CTNNA2: variants seen among roughly 807,000 people sequenced by gnomAD.
The protein encoded by CTNNA2 is catenin alpha-2.
In CTNNA2, 42 loss-of-function variants were observed where a neutral mutation model predicts 101.0. That is an observed-to-expected ratio of 0.42 (90% CI 0.32 to 0.54). The LOEUF (loss-of-function observed/expected upper bound fraction) is 0.54, where lower values mean the gene tolerates loss of function less well. CTNNA2 is among the 20% of genes least tolerant of loss of function. CTNNA2 has a pLI of 0.14. For missense variants in CTNNA2, 871 were observed against 1,223.1 expected (o/e 0.71, Z 4.29); for synonymous variants, 450 against 456.4 (o/e 0.99, Z 0.18).
chr2:79,588,086 T>A (rs1412486215), intron 1 of CTNNA2, among the ~76,000 whole-genome samples: 1 of 152,178 alleles, frequency 6.6e-6, no homozygotes, highest in Non-Finnish European at 1.5e-5. Flanking sequence ...GCAGGAAGAT[T>A]GTTTCAGGCC....
At chr2:80,291,184 G>A (rs904236921) in intron 7 of CTNNA2, among the ~76,000 whole-genome samples, 3 of 152,246 alleles carry the variant, frequency 2.0e-5, no homozygotes, top group Admixed American at 6.5e-5. Flanking sequence ...CTCTAAAGAC[G>A]TTGGAGTCTT....
At chr2:80,482,412 G>A (rs1262304541) in intron 9 of CTNNA2, among the ~76,000 whole-genome samples, 1 of 152,184 alleles carries the variant, frequency 6.6e-6, no homozygotes, top group African/African-American at 2.4e-5. Context: ...TAGCTTTCTG[G>A]AAAGGGCCTA....
At chr2:80,015,434 A>T (rs1694073543) in intron 7 of CTNNA2, among the ~76,000 whole-genome samples, 1 of 152,086 alleles carries the variant, frequency 6.6e-6, no homozygotes, top group African/African-American at 2.4e-5. Flanking sequence ...TGATCCTAAC[A>T]CCATGAAAGC....
chr2:79,889,254 C>T (rs546669518), intron 6 of CTNNA2, among the ~76,000 whole-genome samples: 228 of 152,312 alleles, frequency 1.5e-3, no homozygotes, highest in Non-Finnish European at 1.6e-3. Flanking sequence ...TACTGCTCAA[C>T]GTATTTCCTG....
chr2:79,951,856 C>T (rs1220837437), intron 7 of CTNNA2, among the ~76,000 whole-genome samples: 3 of 152,150 alleles, frequency 2.0e-5, no homozygotes, highest in African/African-American at 7.2e-5. Context: ...ATGCTGTCAA[C>T]TCTAAACTCG....
At chr2:79,354,376 A>T (rs1201474378) in intron 3 of CTNNA2, among the ~76,000 whole-genome samples, 1 of 152,088 alleles carries the variant, frequency 6.6e-6, no homozygotes, top group African/African-American at 2.4e-5. Context: ...TTCATTTTTT[A>T]AAATTCTTTC....
At chr2:80,247,446 T>C (rs1671412197) in intron 7 of CTNNA2, among the ~76,000 whole-genome samples, 1 of 152,172 alleles carries the variant, frequency 6.6e-6, no homozygotes, top group Non-Finnish European at 1.5e-5. Flanking sequence ...AGACCTCCTG[T>C]GTGAACCTCC....
At chr2:80,060,691 C>T (rs1437563334) in intron 7 of CTNNA2, among the ~76,000 whole-genome samples, 1 of 151,986 alleles carries the variant, frequency 6.6e-6, no homozygotes, top group Non-Finnish European at 1.5e-5. Context: ...TTTCTTCTTT[C>T]CTTCCTTTTC....
chr2:79,319,287 G>A (rs1209063635), intron 3 of CTNNA2, among the ~76,000 whole-genome samples: 1 of 152,136 alleles, frequency 6.6e-6, no homozygotes, highest in African/African-American at 2.4e-5. Context: ...GATTCAGCTG[G>A]CAGAAAGGAA....
chr2:80,154,273 C>T (rs1573240609), intron 7 of CTNNA2, among the ~76,000 whole-genome samples: 1 of 151,984 alleles, frequency 6.6e-6, no homozygotes, highest in African/African-American at 2.4e-5. Flanking sequence ...TATAAAATGG[C>T]ATCTCAGAAG....
chr2:79,751,524 A>G (rs1672034335), intron 3 of CTNNA2, among the ~76,000 whole-genome samples: 1 of 134,876 alleles, frequency 7.4e-6, no homozygotes, highest in Admixed American at 8.2e-5. Flanking sequence ...TGAACCTGGG[A>G]GGCGGAGGTT....
At chr2:79,230,824 C>T (rs1674482032) in intron 2 of CTNNA2, among the ~76,000 whole-genome samples, 1 of 152,236 alleles carries the variant, frequency 6.6e-6, no homozygotes. Context: ...TCAGGATGAC[C>T]TGGATGCAAG....
At chr2:80,485,082 A>G (rs1310794805) in intron 9 of CTNNA2, among the ~76,000 whole-genome samples, 1 of 152,204 alleles carries the variant, frequency 6.6e-6, no homozygotes, top group Non-Finnish European at 1.5e-5. Flanking sequence ...TTTGTTTTGC[A>G]GAATAGTTTG....
At position 80,313,597 on chromosome 2, in the gene CTNNA2, C is replaced by G. The variant is rs1300413778; in HGVS notation, c.1057-79614C>G. The stretch of plus-strand genomic sequence containing the variant: ...GGAGAAGGCCACTCCAGTCAGTAGG[C>G]AAAGTCTGTGAAAAAAATATGAAGA... On this transcript the variant is annotated intron_variant, in intron 7 of 18. Transcript: ENST00000402739. 1.9e-6 allele frequency: 3 copies of G among 1,611,202 alleles called. No individual in the cohort carries two copies. The Admixed American group carries it at 5.0e-5, about 27-fold the overall frequency.
chr2:80,055,221 G>A (rs186257167), intron 7 of CTNNA2, among the ~76,000 whole-genome samples: 77 of 152,092 alleles, frequency 5.1e-4, no homozygotes, highest in African/African-American at 1.4e-3. Context: ...AAGAGATGGG[G>A]TCTCACTATG....
chr2:80,288,562 T>C (rs1674971175), intron 7 of CTNNA2: 1 of 152,122 alleles, frequency 6.6e-6, no homozygotes, highest in African/African-American at 2.4e-5. Context: ...AAAATAAAAT[T>C]CCTAAAAACC....
At chr2:80,496,330 G>A (rs929034950) in intron 9 of CTNNA2, among the ~76,000 whole-genome samples, 3 of 151,132 alleles carry the variant, frequency 2.0e-5, no homozygotes, top group African/African-American at 7.3e-5. Flanking sequence ...CGGGTGTAAT[G>A]TGTTATACAC....
At chr2:79,242,336 A>G (rs578002728) in intron 2 of CTNNA2, among the ~76,000 whole-genome samples, 162 of 152,198 alleles carry the variant, frequency 1.1e-3, no homozygotes, top group African/African-American at 3.7e-3. Flanking sequence ...TCATTTTTCA[A>G]TTCTCAAAAT....
chr2:79,187,084 G>T (rs1673786594), intron 1 of CTNNA2, among the ~76,000 whole-genome samples: 1 of 151,928 alleles, frequency 6.6e-6, no homozygotes, highest in Non-Finnish European at 1.5e-5. Flanking sequence ...AAATAATGGT[G>T]GAATGGGGGT....
Sources: allele counts gnomAD v4.1 joint callset (sites outside exome capture counted in the v4.1 genomes callset), GRCh38; gene constraint gnomAD v4.1.1; transcripts MANE v1.5; gene names NCBI Gene and HGNC (gene_info 2026-07-23, HGNC 2026-07-21).